The following NWD2 variants were observed in gnomAD, a reference collection of about 807,000 sequenced individuals.
The protein encoded by NWD2 is NACHT and WD repeat domain containing 2, also known as NACHT and WD repeat domain-containing protein 2.
A neutral mutation model predicts 132.7 loss-of-function variants in NWD2; 37 were observed. The observed-to-expected ratio is 0.28, with a 90% CI of 0.21 to 0.37. The LOEUF (loss-of-function observed/expected upper bound fraction) is 0.37. NWD2 is among the 10% of genes least tolerant of loss of function. The probability of loss-of-function intolerance (pLI) is 1.00; values close to 1 mark genes in which losing one functional copy is unlikely to be tolerated. For synonymous variants in NWD2, 705 were observed against 803.0 expected, an observed-to-expected ratio of 0.88 and a Z score of 2.06; for missense variants, 1,592 against 2,122.4, an observed-to-expected ratio of 0.75 and a Z score of 4.91.
At chr4:37,353,845 G>A (rs555787463) in intron 2 of NWD2, among the ~76,000 whole-genome samples, 1 of 152,142 alleles carries the variant, frequency 6.6e-6, no homozygotes, top group South Asian at 2.1e-4. Context: ...GCCTACTTCT[G>A]TCAATTCATC....
At chr4:37,410,300 T>C (rs1721129978) in intron 3 of NWD2, among the ~76,000 whole-genome samples, 1 of 151,780 alleles carries the variant, frequency 6.6e-6, no homozygotes, top group Non-Finnish European at 1.5e-5. Context: ...AATAAAGGGA[T>C]GGAGGAATAT....
In NWD2 at chr4:37,445,727, A is replaced by G. The variant is rs1239856249; in HGVS notation, c.3739A>G (p.Ile1247Val). ...AVLSKNGDCIIATMENTSAVF... is the reference protein window; with the variant it reads ...AVLSKNGDCIVATMENTSAVF... The stretch of plus-strand genomic sequence containing the variant: ...GCTGTCTAAAAATGGAGATTGTATC[A>G]TCGCCACCATGGAAAATACCTCAGC... The change falls in exon 7 of 7, where the codon ATC becomes GTC. Residue 1247 changes from isoleucine (I) to valine (V), a missense_variant. Physicochemically the swap from Ile to Val is conservative, Grantham distance 29. Coordinates refer to ENST00000309447, the MANE Select transcript of NWD2 (RefSeq NM_001144990.2). This position sits in a 1 kb window ranked among gnomAD's most constrained non-coding sequence, Gnocchi z 4.7. 1 of 1,551,888 alleles carries G rather than the reference A, an allele frequency of 6.4e-7. No homozygotes were observed. Among genetic ancestry groups the G allele is most frequent in the East Asian group, 2.4e-5 (1 of 40,922 alleles).
intron 6 of NWD2, among the ~76,000 whole-genome samples, chr4:37,442,810 A>G (rs954378327): frequency 1.3e-5 from 2 of 152,180 alleles, no homozygotes; most frequent in African/African-American, 4.8e-5. Flanking sequence ...CATATATGAC[A>G]TTATATGCTC....
chr4:37,324,538 G>T (rs1396250930), intron 1 of NWD2, among the ~76,000 whole-genome samples: 2 of 152,046 alleles, frequency 1.3e-5, no homozygotes, highest in Non-Finnish European at 2.9e-5. Flanking sequence ...CAAGATTATA[G>T]AAATTATGTG....
At position 37,443,623 on chromosome 4, in the gene NWD2, G is replaced by A. The variant is rs748145773; in HGVS notation, c.1635G>A (p.Thr545=). The change falls in exon 7 of 7, where the codon ACG becomes ACA. Residue 545 remains threonine, a synonymous_variant. Transcript: ENST00000309447. This position sits in a 1 kb window ranked among gnomAD's most constrained non-coding sequence, Gnocchi z 4.1. ...GCTTTGTCCGGATAGTCCTTTCCAC[G>A]CTGCCCAACAAACATGGGATCTTGC... ...LPRFVRIVLS[T]LPNKHGILQK... 1.9e-5 allele frequency: 29 copies of A among 1,551,676 alleles called. No individual in the cohort carries two copies. The highest frequency in any genetic ancestry group is 3.6e-5 in the South Asian group (3 of 84,046).
intron 2 of NWD2, among the ~76,000 whole-genome samples, chr4:37,334,770 C>G (rs1188007275): frequency 1.3e-5 from 2 of 152,146 alleles, no homozygotes; most frequent in African/African-American, 2.4e-5. Context: ...TTTAAGAATA[C>G]CTTCTCATAG....
chr4:37,377,301 A>T (rs1560407919), intron 3 of NWD2, among the ~76,000 whole-genome samples: 1 of 152,106 alleles, frequency 6.6e-6, no homozygotes, highest in Non-Finnish European at 1.5e-5. Flanking sequence ...AGAGAAGATA[A>T]TTTTTTTTGA....
At chr4:37,296,606 C>T (rs1008104739) in intron 1 of NWD2, among the ~76,000 whole-genome samples, 3 of 152,022 alleles carry the variant, frequency 2.0e-5, no homozygotes, top group Non-Finnish European at 4.4e-5. Flanking sequence ...ACCCAAAGAT[C>T]GTATGTTCCC....
chr4:37,410,922 A>G (rs749272060), intron 3 of NWD2, among the ~76,000 whole-genome samples: 2 of 152,238 alleles, frequency 1.3e-5, no homozygotes, highest in Non-Finnish European at 2.9e-5. Flanking sequence ...AGAAGGCAGA[A>G]ATAAAGGTGT....
At chr4:37,370,640 G>A (rs569487180) in intron 3 of NWD2, among the ~76,000 whole-genome samples, 3 of 152,196 alleles carry the variant, frequency 2.0e-5, no homozygotes, top group Non-Finnish European at 4.4e-5. Context: ...GGAAGCAATT[G>A]TATCTTTATT....
intron 1 of NWD2, among the ~76,000 whole-genome samples, chr4:37,267,068 T>A (rs900231181): frequency 6.6e-6 from 1 of 151,858 alleles, no homozygotes; most frequent in African/African-American, 2.4e-5. Context: ...GCAAAGAGAA[T>A]AGCATATTAC....
At chr4:37,407,832 C>G (rs1721075822) in intron 3 of NWD2, among the ~76,000 whole-genome samples, 1 of 152,144 alleles carries the variant, frequency 6.6e-6, no homozygotes, top group South Asian at 2.1e-4. Context: ...ACTGAGGTAC[C>G]TGGTTGATCT....
At chr4:37,258,665 T>G (rs889292024) in intron 1 of NWD2, among the ~76,000 whole-genome samples, 12 of 152,152 alleles carry the variant, frequency 7.9e-5, no homozygotes, top group Non-Finnish European at 1.8e-4. Context: ...CAGTCTTGAG[T>G]GTCAGCAGGT....
rs544386207 is a variant in NWD2, at chr4:37,351,697, G to C, written c.241-4669G>C. Among the ~76,000 whole-genome samples, 59 of 152,116 alleles carry C rather than the reference G, an allele frequency of 3.9e-4. 1 individual carries two copies. Among genetic ancestry groups the C allele is most frequent in the African/African-American group, 1.4e-3 (59 of 41,520 alleles). The stretch of plus-strand genomic sequence containing the variant: ...CTCCTTCAGTTCTGCTCTGATCTTA[G>C]TTATTTCTTGTCTTCTGCTGGCTTT... On this transcript the variant is annotated intron_variant, in intron 2 of 6. Coordinates refer to ENST00000309447, the MANE Select transcript of NWD2 (RefSeq NM_001144990.2).
chr4:37,340,368 G>A (rs918573867), intron 2 of NWD2, among the ~76,000 whole-genome samples: 1 of 152,096 alleles, frequency 6.6e-6, no homozygotes, highest in Admixed American at 6.5e-5. Flanking sequence ...AGAGCCCCAG[G>A]GGCAGATTAA....
At chr4:37,418,501 C>T (rs973520661) in intron 3 of NWD2, among the ~76,000 whole-genome samples, 5 of 152,008 alleles carry the variant, frequency 3.3e-5, no homozygotes, top group African/African-American at 4.8e-5. Flanking sequence ...AGAGGAATAA[C>T]TTGAAAGTGG....
chr4:37,386,566 G>A (rs1276033454), intron 3 of NWD2, among the ~76,000 whole-genome samples: 1 of 152,014 alleles, frequency 6.6e-6, no homozygotes, highest in African/African-American at 2.4e-5. Flanking sequence ...CCTGTGCTCT[G>A]AGCTCTGGGC....
intron 2 of NWD2, among the ~76,000 whole-genome samples, chr4:37,338,721 G>A (rs1342904941): frequency 6.6e-6 from 1 of 152,198 alleles, no homozygotes; most frequent in African/African-American, 2.4e-5. Context: ...CTGCAAGTCT[G>A]TTGTCAGTTG....
chr4:37,320,988 C>G (rs1719056809), intron 1 of NWD2, among the ~76,000 whole-genome samples: 1 of 152,022 alleles, frequency 6.6e-6, no homozygotes, highest in Non-Finnish European at 1.5e-5. Flanking sequence ...AAAACCCCGT[C>G]TGTACTAATA....
Sources: allele counts gnomAD v4.1 joint callset (sites outside exome capture counted in the v4.1 genomes callset), GRCh38; gene constraint gnomAD v4.1.1; non-coding constraint Gnocchi (gnomAD v3.1); transcripts MANE v1.5; gene names NCBI Gene and HGNC (gene_info 2026-07-23, HGNC 2026-07-21).